JCAD: variants seen among roughly 807,000 people sequenced by gnomAD.
JCAD encodes junctional cadherin 5-associated protein.
JCAD carries 40 observed loss-of-function variants against 98.0 expected under a neutral mutation model. That is an observed-to-expected ratio of 0.41 (90% confidence interval 0.32 to 0.53). The LOEUF (loss-of-function observed/expected upper bound fraction) is 0.53. Among genes scored for constraint, JCAD ranks in the 20% least tolerant of loss-of-function variants. The probability of loss-of-function intolerance (pLI) is 0.31; values close to 1 mark genes in which losing one functional copy is unlikely to be tolerated. For synonymous variants in JCAD, 691 were observed against 682.3 expected (o/e 1.01, Z -0.20); for missense variants, 1,705 against 1,738.1 (o/e 0.98, Z 0.34).
At chr10:30,034,654 C>A (rs924344812) in intron 2 of JCAD, among the ~76,000 whole-genome samples, 1 of 152,050 alleles carries the variant, frequency 6.6e-6, no homozygotes, top group African/African-American at 2.4e-5. Context: ...GCTTGCAGCT[C>A]CAGAAGCCAC....
chr10:30,061,544 GA>G (rs1193710843), upstream of JCAD, among the ~76,000 whole-genome samples: 992 of 116,110 alleles, frequency 8.5e-3, 10 homozygotes, highest in South Asian at 0.057. Flanking sequence ...TCTGTCTCAA[GA>G]AAAAAAAAAA....
intron 1 of JCAD, among the ~76,000 whole-genome samples, chr10:30,106,824 T>A (rs1418266697): frequency 1.3e-5 from 2 of 152,196 alleles, no homozygotes; most frequent in East Asian, 3.9e-4. Flanking sequence ...TGAGCTTAAA[T>A]GCCTTGCAAA....
intron 2 of JCAD, among the ~76,000 whole-genome samples, chr10:30,034,665 A>C (rs1448855349): frequency 1.3e-5 from 2 of 152,070 alleles, no homozygotes; most frequent in Non-Finnish European, 2.9e-5. Context: ...CAGAAGCCAC[A>C]GAGTCCTCCC....
intron 1 of JCAD, among the ~76,000 whole-genome samples, chr10:30,103,626 ACACACC>A (rs1278340547): frequency 2.2e-5 from 2 of 91,366 alleles, no homozygotes; most frequent in African/African-American, 3.0e-5. Context: ...ACACACACAC[ACACACC>A]CACACACACT....
At chr10:30,092,471 C>T (rs1365425010) in intron 1 of JCAD, among the ~76,000 whole-genome samples, 1 of 152,104 alleles carries the variant, frequency 6.6e-6, no homozygotes, top group Non-Finnish European at 1.5e-5. Context: ...CCCAAGCCCT[C>T]CGAACAGAAG....
chr10:30,093,691 C>T (rs1838320751), intron 1 of JCAD, among the ~76,000 whole-genome samples: 1 of 152,202 alleles, frequency 6.6e-6, no homozygotes, highest in Admixed American at 6.5e-5. Context: ...TGGTTGGCAC[C>T]ACTAAAGCCA....
intron 3 of JCAD, among the ~76,000 whole-genome samples, chr10:30,021,856 G>A (rs1215772710): frequency 6.6e-6 from 1 of 152,198 alleles, no homozygotes; most frequent in Non-Finnish European, 1.5e-5. Flanking sequence ...ACTGAGGACT[G>A]CCCTGGTGGG....
At chr10:30,079,185 A>G (rs556710657) in intron 1 of JCAD, among the ~76,000 whole-genome samples, 2 of 152,124 alleles carry the variant, frequency 1.3e-5, no homozygotes, top group East Asian at 3.9e-4. Context: ...CGTCCCTACT[A>G]AAAATACAAA....
At chr10:30,098,640 C>T (rs1838416844) in intron 1 of JCAD, among the ~76,000 whole-genome samples, 1 of 152,156 alleles carries the variant, frequency 6.6e-6, no homozygotes, top group African/African-American at 2.4e-5. Context: ...CAGTTTATTT[C>T]TAAGATTTTC....
At chr10:30,060,039 T>C (rs1008317001), upstream of JCAD, among the ~76,000 whole-genome samples, 2 of 151,842 alleles carry the variant, frequency 1.3e-5, no homozygotes, top group African/African-American at 4.8e-5. Context: ...CACACCCATA[T>C]ACAGTCACGC....
rs372892398 is a variant in JCAD, at chr10:30,029,248, C to G, written c.900G>C (p.Ser300=). The G allele has an allele frequency of 1.2e-6, 2 of 1,613,986 alleles. No homozygotes were observed. Among genetic ancestry groups the G allele is most frequent in the African/African-American group, 2.7e-5 (2 of 74,904 alleles). Residue 300 remains serine (S), a synonymous_variant, in exon 3 of 4, where the codon TCG becomes TCC. Coordinates refer to ENST00000375377, the MANE Select transcript of JCAD (RefSeq NM_020848.4). Reference sequence around the variant, plus strand: ...CCGCTCCTCCCCTAGACTGCTGGTGCGAGCTGTAAGATGGGGGCTTGAGGG... The same window carrying G: ...CCGCTCCTCCCCTAGACTGCTGGTGGGAGCTGTAAGATGGGGGCTTGAGGG... The part of the protein sequence containing the change: ...GRPLKPPSYS[S]HQQSRGGADS...
chr10:30,101,227 C>A (rs1409861239), intron 1 of JCAD, among the ~76,000 whole-genome samples: 1 of 152,034 alleles, frequency 6.6e-6, no homozygotes, highest in East Asian at 1.9e-4. Context: ...GCCAATATGG[C>A]AAAACCCTGT....
intron 2 of JCAD, among the ~76,000 whole-genome samples, chr10:30,030,354 T>C (rs1308584077): frequency 1.3e-5 from 2 of 152,120 alleles, no homozygotes; most frequent in Non-Finnish European, 2.9e-5. Flanking sequence ...GGTAGAAGAA[T>C]TGCTTGAGCC....
In JCAD at chr10:30,105,611, A is replaced by T. The variant is rs76985367; in HGVS notation, n.128+9756T>A. Among the ~76,000 whole-genome samples the T allele has an allele frequency of 6.6e-5, 10 of 152,324 alleles. No individual in the cohort carries two copies. In the East Asian group the frequency reaches 1.7e-3, roughly 26 times the overall value. ...AGTGCTGGAATTACAGGTGTGAACCACAAACCCAACCCTTTCTGCCTATTT... is the reference window on the plus strand; with the variant it reads ...AGTGCTGGAATTACAGGTGTGAACCTCAAACCCAACCCTTTCTGCCTATTT... On this transcript the variant is annotated intron_variant and non_coding_transcript_variant, in intron 1 of 2. Coordinates refer to the JCAD transcript ENST00000465712.
At chr10:30,087,092 T>C (rs1220518559) in intron 1 of JCAD, among the ~76,000 whole-genome samples, 2 of 152,162 alleles carry the variant, frequency 1.3e-5, no homozygotes, top group Admixed American at 1.3e-4. Flanking sequence ...CAGACTCCTC[T>C]CCACTTTTTT....
chr10:30,090,928 C>T (rs1455080981), intron 1 of JCAD, among the ~76,000 whole-genome samples: 2 of 152,192 alleles, frequency 1.3e-5, no homozygotes, highest in African/African-American at 2.4e-5. Flanking sequence ...TGGAAAACAA[C>T]AGGGTTCATG....
intron 1 of JCAD, among the ~76,000 whole-genome samples, chr10:30,084,665 A>T (rs1838138126): frequency 6.6e-6 from 1 of 152,212 alleles, no homozygotes; most frequent in African/African-American, 2.4e-5. Context: ...GCTGGCCATC[A>T]GATTGGAATG....
Position 30,013,281 on chromosome 10 carries a change from G to C in JCAD, c.*4602C>G, listed in dbSNP as rs1836462032. The C allele has an allele frequency of 6.6e-6, 1 of 152,058 alleles. No individual in the cohort carries two copies. Among genetic ancestry groups the C allele is most frequent in the Non-Finnish European group, 1.5e-5 (1 of 68,052 alleles). The allele number at this position is 152,058 out of a possible 1,614,324, so 9.4% of individuals were successfully genotyped here. A position where few individuals can be genotyped will look rare whatever the true frequency, so the allele number is the denominator to read the frequency against. On this transcript the variant is annotated 3_prime_UTR_variant, in exon 4 of 4. Transcript: ENST00000375377. ...GCCGTGACTGCACCACTGCACTCCA[G>C]GCTGGGCAACAGAGCAAGACCCTGT...
At position 30,028,296 on chromosome 10, in the gene JCAD, C is replaced by G. The variant is rs372171819; in HGVS notation, c.1852G>C (p.Ala618Pro). Residue 618 changes from alanine to proline, a missense_variant, in exon 3 of 4, where the codon GCT becomes CCT. Physicochemically the swap from Ala to Pro is conservative, Grantham distance 27. Coordinates refer to ENST00000375377, the MANE Select transcript of JCAD (RefSeq NM_020848.4). Reference protein sequence around the residue: ...DQKNGSDKSPALQEQSLLSMS... With the variant: ...DQKNGSDKSPPLQEQSLLSMS... ...CTCAGCAGACTCTGTTCTTGCAGAGCCGGGCTCTTATCAGACCCATTCTTT... is the reference window on the plus strand; with the variant it reads ...CTCAGCAGACTCTGTTCTTGCAGAGGCGGGCTCTTATCAGACCCATTCTTT... 2.3e-5 allele frequency: 37 copies of G among 1,614,100 alleles called. No individual in the cohort carries two copies. The highest frequency in any genetic ancestry group is 1.6e-4 in the Middle Eastern group (1 of 6,084).
Sources: allele counts gnomAD v4.1 joint callset (sites outside exome capture counted in the v4.1 genomes callset), GRCh38; gene constraint gnomAD v4.1.1; transcripts MANE v1.5; gene names NCBI Gene and HGNC (gene_info 2026-07-23, HGNC 2026-07-21).